Variants in PPP1R9A observed in about 807,000 individuals in gnomAD.
The protein encoded by PPP1R9A is protein phosphatase 1 regulatory subunit 9A, also known as neurabin-1.
A neutral mutation model predicts 141.9 loss-of-function variants in PPP1R9A; 59 were observed. That is an observed-to-expected ratio of 0.42 (90% confidence interval 0.34 to 0.52). PPP1R9A has a LOEUF of 0.52. PPP1R9A is among the 20% of genes least tolerant of loss of function. The pLI is 0.10. For synonymous variants in PPP1R9A, 500 were observed against 569.7 expected, an observed-to-expected ratio of 0.88 and a Z score of 1.74; for missense variants, 1,444 against 1,611.9, an observed-to-expected ratio of 0.90 and a Z score of 1.78.
Position 95,198,338 on chromosome 7 carries a change from C to A in PPP1R9A, c.1755-11C>A, listed in dbSNP as rs1292209775. The A allele has an allele frequency of 1.3e-6, 2 of 1,593,408 alleles. No homozygotes were observed. Among genetic ancestry groups the A allele is most frequent in the Admixed American group, 3.7e-5 (2 of 54,688 alleles). ...AGTCTTAAATATTAGTCTTTGTTAA[C>A]CTTTCCACAGATTTGTTATTGGGCG... On this transcript the variant is annotated splice_polypyrimidine_tract_variant and intron_variant, in intron 5 of 19. Transcript: ENST00000433360.
chr7:95,087,390 C>G (rs1194889126), intron 2 of PPP1R9A, among the ~76,000 whole-genome samples: 1 of 151,956 alleles, frequency 6.6e-6, no homozygotes, highest in Non-Finnish European at 1.5e-5. Context: ...AAGTATTAGT[C>G]TCTATAATTT....
chr7:95,203,756 C>T, intron 7 of PPP1R9A, 26 bp downstream of exon 7: 2 of 1,421,392 alleles, frequency 1.4e-6, no homozygotes. Context: ...TAAAGTAATG[C>T]TTACCTGTAC....
At chr7:95,196,529 A>T (rs775063889) in intron 5 of PPP1R9A, among the ~76,000 whole-genome samples, 7 of 152,216 alleles carry the variant, frequency 4.6e-5, no homozygotes, top group Non-Finnish European at 7.4e-5. Flanking sequence ...TGTTTATAGT[A>T]ACTTTCTTTA....
intron 3 of PPP1R9A, among the ~76,000 whole-genome samples, chr7:95,119,648 T>C (rs929058240): frequency 3.1e-4 from 47 of 152,128 alleles, no homozygotes; most frequent in African/African-American, 8.4e-4. Context: ...GAGACAGGGT[T>C]TCACCCTGTT....
At chr7:94,967,348 C>T (rs1205221588) in intron 2 of PPP1R9A, among the ~76,000 whole-genome samples, 2 of 151,852 alleles carry the variant, frequency 1.3e-5, no homozygotes, top group African/African-American at 4.8e-5. Flanking sequence ...TATTTCTTGT[C>T]TTCTGCTAGC....
At chr7:95,097,268 C>T (rs1393556960) in intron 2 of PPP1R9A, among the ~76,000 whole-genome samples, 6 of 152,126 alleles carry the variant, frequency 3.9e-5, no homozygotes, top group Non-Finnish European at 8.8e-5. Context: ...TCAGGTGATG[C>T]GCCCACCTTG....
At chr7:95,286,810 G>T (rs2115891690) in intron 18 of PPP1R9A, among the ~76,000 whole-genome samples, 1 of 152,164 alleles carries the variant, frequency 6.6e-6, no homozygotes, top group South Asian at 2.1e-4. Context: ...CAAATTATCA[G>T]GAGATAAATG....
chr7:94,965,525 G>C (rs745384896), intron 2 of PPP1R9A, among the ~76,000 whole-genome samples: 3 of 152,072 alleles, frequency 2.0e-5, no homozygotes, highest in Non-Finnish European at 4.4e-5. Flanking sequence ...TCCAGTTTCA[G>C]TTTTCTGCTT....
chr7:95,244,943 G>A (rs1290820240), intron 8 of PPP1R9A, among the ~76,000 whole-genome samples: 2 of 152,176 alleles, frequency 1.3e-5, no homozygotes, highest in Non-Finnish European at 2.9e-5. Context: ...AATGAAAGAG[G>A]TTAAGTAATT....
At chr7:95,198,281 T>C in intron 5 of PPP1R9A, 68 bp from the exon 6 acceptor site, 1 of 1,453,264 alleles carries the variant, frequency 6.9e-7, no homozygotes, top group Non-Finnish European at 9.2e-7. Context: ...ATCAAACCTG[T>C]TTACTTTTCT....
rs188010686 is a variant in PPP1R9A, at chr7:95,210,965, G to A, written c.1956+7235G>A. 2.4e-3 allele frequency among the ~76,000 whole-genome samples: 369 copies of A among 152,106 alleles called. 2 individuals are homozygous for A. Among genetic ancestry groups the A allele is most frequent in the Admixed American group, 8.8e-3 (135 of 15,282 alleles). On this transcript the variant is annotated intron_variant, in intron 7 of 19. Transcript: ENST00000433360. ...GGATCAATGAGAACACACGGACACA[G>A]GGAGGAGAATATCACACACTGGGGC... is the stretch of plus-strand genomic sequence containing the variant.
At chr7:95,043,302 G>A (rs1306125151) in intron 2 of PPP1R9A, among the ~76,000 whole-genome samples, 1 of 152,170 alleles carries the variant, frequency 6.6e-6, no homozygotes, top group African/African-American at 2.4e-5. Context: ...TTGAATAACT[G>A]TGTGAGAAAA....
At chr7:94,989,927 A>G (rs1379607476) in intron 2 of PPP1R9A, among the ~76,000 whole-genome samples, 1 of 152,110 alleles carries the variant, frequency 6.6e-6, no homozygotes, top group Non-Finnish European at 1.5e-5. Context: ...GTTTTTGAAC[A>G]TAATTAGAAA....
intron 2 of PPP1R9A, among the ~76,000 whole-genome samples, chr7:94,989,240 C>A (rs919036934): frequency 9.9e-5 from 15 of 151,954 alleles, no homozygotes; most frequent in African/African-American, 3.4e-4. Flanking sequence ...TATCTAGATA[C>A]AAATAATGAG....
At chr7:95,030,656 G>C (rs1385671764) in intron 2 of PPP1R9A, among the ~76,000 whole-genome samples, 1 of 152,018 alleles carries the variant, frequency 6.6e-6, no homozygotes, top group African/African-American at 2.4e-5. Context: ...GAAAAAAGAG[G>C]TGGTAACCCC....
At chr7:95,103,769 T>C (rs997465755) in intron 2 of PPP1R9A, among the ~76,000 whole-genome samples, 1 of 152,218 alleles carries the variant, frequency 6.6e-6, no homozygotes, top group Non-Finnish European at 1.5e-5. Context: ...GCATGTGTAT[T>C]GTCCTCTGAA....
chr7:95,170,162 A>G (rs960515971), intron 5 of PPP1R9A, among the ~76,000 whole-genome samples: 1 of 151,740 alleles, frequency 6.6e-6, no homozygotes, highest in African/African-American at 2.4e-5. Context: ...AAGACATACT[A>G]CAATAGAAAG....
chr7:95,223,275 G>T (rs548864682), intron 7 of PPP1R9A, among the ~76,000 whole-genome samples: 1 of 152,086 alleles, frequency 6.6e-6, no homozygotes, highest in Admixed American at 6.6e-5. Flanking sequence ...GAATCAAGAA[G>T]AACGCTTAAC....
intron 4 of PPP1R9A, among the ~76,000 whole-genome samples, chr7:95,146,054 A>G (rs992705721): frequency 6.6e-6 from 1 of 152,152 alleles, no homozygotes. Context: ...TTCTAGTTCT[A>G]GATCCTTGAG....
Sources: gnomAD v4.1 joint callset for allele counts (sites outside exome capture counted in the v4.1 genomes callset) on GRCh38, gnomAD v4.1.1 for gene constraint, MANE v1.5 for transcripts, NCBI Gene and HGNC (gene_info 2026-07-23, HGNC 2026-07-21) for gene names.